Variants in BMPR1B observed in about 807,000 individuals in gnomAD.
The protein encoded by BMPR1B is bone morphogenetic protein receptor type-1B.
BMPR1B carries 12 observed loss-of-function variants against 59.1 expected under a neutral mutation model. That is an observed-to-expected ratio of 0.20 (90% confidence interval 0.13 to 0.33). The LOEUF (loss-of-function observed/expected upper bound fraction) is 0.33. Ranked by LOEUF, BMPR1B falls within the 10% of genes least tolerant of loss-of-function variation. The pLI, the probability that BMPR1B is intolerant of heterozygous loss-of-function variation, is 1.00. For missense variants in BMPR1B, 550 were observed against 610.9 expected (o/e 0.90, Z 1.05); for synonymous variants, 237 against 207.3 (o/e 1.14, Z -1.23).
rs867591452 is a variant in BMPR1B at position 95,008,065 on chromosome 4, A to G, written c.-18+11931A>G. Reference sequence around the variant, plus strand: ...TTTGAGAGCCACTGAATTATCACATAAAAATTATTAATCAGTATATAGGGT... The same window carrying G: ...TTTGAGAGCCACTGAATTATCACATGAAAATTATTAATCAGTATATAGGGT... On this transcript the variant is annotated intron_variant, in intron 3 of 12. Coordinates refer to ENST00000515059, the MANE Select transcript of BMPR1B (RefSeq NM_001203.3). 2.0e-5 allele frequency among the ~76,000 whole-genome samples: 3 copies of G among 152,208 alleles called. No individual in the cohort carries two copies. The South Asian group carries it at 6.2e-4, about 31-fold the overall frequency.
chr4:95,135,839 T>C (rs1291286304), intron 10 of BMPR1B, among the ~76,000 whole-genome samples: 1 of 152,170 alleles, frequency 6.6e-6, no homozygotes, highest in African/African-American at 2.4e-5. Flanking sequence ...CTTTTCCTAA[T>C]TGAATACCCT....
At chr4:95,014,567 T>C (rs552536906) in intron 3 of BMPR1B, among the ~76,000 whole-genome samples, 1 of 152,204 alleles carries the variant, frequency 6.6e-6, no homozygotes, top group Non-Finnish European at 1.5e-5. Context: ...CTAACCTGGC[T>C]CTGAAATAAG....
intron 1 of BMPR1B, among the ~76,000 whole-genome samples, chr4:94,800,133 A>G (rs1473417373): frequency 2.0e-5 from 3 of 152,214 alleles, no homozygotes; most frequent in Admixed American, 2.0e-4. Context: ...TCAGCAAAAG[A>G]CATTCTTTCA....
chr4:94,906,908 T>C (rs1048106109), intron 2 of BMPR1B, among the ~76,000 whole-genome samples: 2 of 152,080 alleles, frequency 1.3e-5, no homozygotes, highest in Non-Finnish European at 2.9e-5. Context: ...ATTTATATTA[T>C]AACTATTATA....
intron 3 of BMPR1B, among the ~76,000 whole-genome samples, chr4:95,012,195 C>A (rs958779336): frequency 3.3e-5 from 5 of 152,096 alleles, no homozygotes; most frequent in African/African-American, 1.2e-4. Context: ...TGTGCAGATT[C>A]CCTATTTTGA....
chr4:94,923,817 C>T (rs1372796259), intron 2 of BMPR1B, among the ~76,000 whole-genome samples: 1 of 152,080 alleles, frequency 6.6e-6, no homozygotes, highest in Non-Finnish European at 1.5e-5. Flanking sequence ...ATTAGATGAT[C>T]TTTCGGCTCA....
intron 2 of BMPR1B, among the ~76,000 whole-genome samples, chr4:94,951,440 G>A (rs1268973496): frequency 6.6e-6 from 1 of 152,116 alleles, no homozygotes. Context: ...ATTTTGAGAT[G>A]CATTCCATCA....
chr4:95,047,066 AT>A (rs903683647), intron 3 of BMPR1B, among the ~76,000 whole-genome samples: 66 of 152,170 alleles, frequency 4.3e-4, no homozygotes, highest in African/African-American at 1.5e-3. Context: ...TAAACTTTTT[AT>A]TTTATAATTG....
At chr4:94,893,228 T>C (rs545379675) in intron 2 of BMPR1B, among the ~76,000 whole-genome samples, 1 of 152,132 alleles carries the variant, frequency 6.6e-6, no homozygotes, top group South Asian at 2.1e-4. Flanking sequence ...TGAAATAATA[T>C]TTTCTCCTTC....
At chr4:95,133,095 G>A (rs967579889) in intron 10 of BMPR1B, among the ~76,000 whole-genome samples, 4 of 151,904 alleles carry the variant, frequency 2.6e-5, no homozygotes, top group Admixed American at 6.6e-5. Context: ...ATCATCTTTC[G>A]TTCCCTAACT....
At chr4:94,817,184 C>T (rs1206291530) in intron 1 of BMPR1B, among the ~76,000 whole-genome samples, 5 of 152,134 alleles carry the variant, frequency 3.3e-5, no homozygotes, top group South Asian at 2.1e-4. Flanking sequence ...TCCCAGCTTC[C>T]GGAACTGTGA....
chr4:94,944,049 C>G (rs1470221741), intron 2 of BMPR1B, among the ~76,000 whole-genome samples: 1 of 152,020 alleles, frequency 6.6e-6, no homozygotes, highest in African/African-American at 2.4e-5. Flanking sequence ...TTCTTTCATG[C>G]ACAAAATTAT....
intron 2 of BMPR1B, among the ~76,000 whole-genome samples, chr4:94,976,512 C>T (rs1227344563): frequency 6.6e-6 from 1 of 152,188 alleles, no homozygotes; most frequent in Non-Finnish European, 1.5e-5. Context: ...AAAATACACT[C>T]ATTTCTGCCC....
chr4:94,834,112 C>G (rs544238608), intron 1 of BMPR1B, among the ~76,000 whole-genome samples: 3 of 152,098 alleles, frequency 2.0e-5, no homozygotes, highest in Non-Finnish European at 4.4e-5. Flanking sequence ...AGTCATTTCC[C>G]ATTATACCTG....
intron 2 of BMPR1B, among the ~76,000 whole-genome samples, chr4:94,934,331 T>G (rs1729204514): frequency 6.6e-6 from 1 of 152,058 alleles, no homozygotes; most frequent in African/African-American, 2.4e-5. Flanking sequence ...TTTCTCCTAA[T>G]CACTTGAAAT....
chr4:94,870,382 AAG>A lies in BMPR1B; in HGVS notation c.-182-5436_-182-5435del, dbSNP rs1284666903. On this transcript the variant is annotated intron_variant, in intron 1 of 12. Coordinates refer to ENST00000515059, the MANE Select transcript of BMPR1B (RefSeq NM_001203.3). ...CTTCCCTTTCTCTCTACTTCCTGCC[AAG>A]AGAGAGAGAGAGTTTTACCACTTGT... Among the ~76,000 whole-genome samples the A allele has an allele frequency of 9.9e-5, 10 of 100,796 alleles. No individual in the cohort carries two copies. The East Asian group carries it at 1.2e-3, about 13-fold the overall frequency. The allele number at this position is 100,796 out of a possible 152,430, so 66.1% of individuals were successfully genotyped here. A position where few individuals can be genotyped will look rare whatever the true frequency, so the allele number is the denominator to read the frequency against.
chr4:95,069,698 G>A (rs1031805720), intron 3 of BMPR1B, among the ~76,000 whole-genome samples: 5 of 152,234 alleles, frequency 3.3e-5, no homozygotes, highest in South Asian at 2.1e-4. Context: ...GCATGGAATC[G>A]TGTCTGTTTC....
chr4:94,844,257 G>A (rs964507854), intron 1 of BMPR1B, among the ~76,000 whole-genome samples: 13 of 111,056 alleles, frequency 1.2e-4, no homozygotes, highest in African/African-American at 4.8e-4. Context: ...GTGTGTGTGT[G>A]AATCTTCTAG....
chr4:95,096,224 A>T (rs1730364694), intron 3 of BMPR1B, among the ~76,000 whole-genome samples: 1 of 151,798 alleles, frequency 6.6e-6, no homozygotes, highest in African/African-American at 2.4e-5. Flanking sequence ...ACTTTAAAGA[A>T]ATTATAACTC....
Sources: allele counts gnomAD v4.1 joint callset (sites outside exome capture counted in the v4.1 genomes callset), GRCh38; gene constraint gnomAD v4.1.1; transcripts MANE v1.5; gene names NCBI Gene and HGNC (gene_info 2026-07-23, HGNC 2026-07-21).